Variants in MRPS27 observed in about 807,000 individuals in gnomAD.
The protein encoded by MRPS27 is mitochondrial ribosomal protein S27.
MRPS27 carries 43 observed loss-of-function variants against 48.9 expected under a neutral mutation model. The observed-to-expected ratio is 0.88, with a 90% CI of 0.69 to 1.13. MRPS27 has a LOEUF of 1.13. MRPS27 is among the 50% of genes most tolerant of loss of function. MRPS27 has a pLI of 0.00. For missense variants in MRPS27, 467 were observed against 476.3 expected (o/e 0.98, Z 0.18); for synonymous variants, 188 against 171.9 (o/e 1.09, Z -0.73).
intron 4 of MRPS27, among the ~76,000 whole-genome samples, chr5:72,278,978 A>T (rs1749460152): frequency 6.6e-6 from 1 of 152,212 alleles, no homozygotes; most frequent in East Asian, 1.9e-4. Context: ...TCCTTATACA[A>T]GCCAGAGTTC....
intron 2 of MRPS27, among the ~76,000 whole-genome samples, chr5:72,312,251 A>C (rs1391187952): frequency 6.6e-6 from 1 of 152,236 alleles, no homozygotes; most frequent in Non-Finnish European, 1.5e-5. Flanking sequence ...TCATTAATGG[A>C]ACTAACTCCA....
chr5:72,233,560 CAT>C (rs1365640868), intron 6 of MRPS27, among the ~76,000 whole-genome samples: 3 of 152,042 alleles, frequency 2.0e-5, no homozygotes, highest in Non-Finnish European at 4.4e-5. Context: ...TGGTTTTGCA[CAT>C]GTCATGGTTC....
intron 4 of MRPS27, among the ~76,000 whole-genome samples, chr5:72,255,274 C>T (rs576515838): frequency 6.6e-6 from 1 of 152,192 alleles, no homozygotes; most frequent in South Asian, 2.1e-4. Context: ...TGGTCTCGAA[C>T]TCCTGACCTC....
At chr5:72,271,236 G>A (rs910380273) in intron 4 of MRPS27, among the ~76,000 whole-genome samples, 1 of 152,158 alleles carries the variant, frequency 6.6e-6, no homozygotes. Context: ...TAGGAAACAC[G>A]AAGGAATCTA....
chr5:72,284,591 A>G (rs910313742), intron 4 of MRPS27, among the ~76,000 whole-genome samples: 1 of 152,210 alleles, frequency 6.6e-6, no homozygotes, highest in African/African-American at 2.4e-5. Flanking sequence ...AAGTTACAAG[A>G]GACAATTCAA....
At chr5:72,282,728 C>T (rs1416658831) in intron 4 of MRPS27, among the ~76,000 whole-genome samples, 3 of 152,060 alleles carry the variant, frequency 2.0e-5, no homozygotes, top group Non-Finnish European at 4.4e-5. Context: ...AAGGCAAGTA[C>T]ATATGTATAA....
chr5:72,287,047 C>T (rs1749690324), intron 4 of MRPS27, among the ~76,000 whole-genome samples: 1 of 152,186 alleles, frequency 6.6e-6, no homozygotes, highest in Non-Finnish European at 1.5e-5. Context: ...TGAGCATTAC[C>T]GCCTGAGCTC....
chr5:72,288,324 T>TA (rs1278625554), intron 4 of MRPS27, among the ~76,000 whole-genome samples: 11 of 152,090 alleles, frequency 7.2e-5, no homozygotes, highest in Admixed American at 3.9e-4. Context: ...TCTCCCGCCT[T>TA]AGCCTCCCAT....
intron 4 of MRPS27, among the ~76,000 whole-genome samples, chr5:72,268,747 T>C (rs745864073): frequency 4.6e-5 from 7 of 152,220 alleles, no homozygotes; most frequent in East Asian, 3.8e-4. Context: ...AGGTCTTATA[T>C]GAGGATGATA....
At chr5:72,287,725 A>G (rs1291004103) in intron 4 of MRPS27, among the ~76,000 whole-genome samples, 1 of 152,284 alleles carries the variant, frequency 6.6e-6, no homozygotes, top group African/African-American at 2.4e-5. Context: ...GCAAATAATT[A>G]AAGCCACAAT....
chr5:72,285,510 T>C (rs778399210), intron 4 of MRPS27, among the ~76,000 whole-genome samples: 5 of 152,200 alleles, frequency 3.3e-5, no homozygotes, highest in Non-Finnish European at 5.9e-5. Flanking sequence ...TAATAATCTT[T>C]TTTTGGGAGG....
chr5:72,278,375 G>A (rs1175797464), intron 4 of MRPS27, among the ~76,000 whole-genome samples: 4 of 150,826 alleles, frequency 2.7e-5, no homozygotes, highest in African/African-American at 4.9e-5. Flanking sequence ...CCCAGGAGGC[G>A]GAGATTGCAG....
intron 4 of MRPS27, among the ~76,000 whole-genome samples, chr5:72,249,078 T>G (rs1253924600): frequency 6.6e-6 from 1 of 152,232 alleles, no homozygotes; most frequent in Non-Finnish European, 1.5e-5. Flanking sequence ...CTACAATGAA[T>G]GCAGCCTTTA....
intron 8 of MRPS27, 50 bp downstream of exon 8, chr5:72,228,216 C>A (rs1005746574): frequency 1.9e-5 from 26 of 1,402,500 alleles, no homozygotes; most frequent in Non-Finnish European, 2.4e-5. Flanking sequence ...TGGAAGAATG[C>A]AACAATTCTA....
intron 4 of MRPS27, among the ~76,000 whole-genome samples, chr5:72,280,757 T>A (rs1256192779): frequency 1.3e-5 from 2 of 152,236 alleles, no homozygotes; most frequent in East Asian, 3.8e-4. Flanking sequence ...CTAATCTGTA[T>A]TTTGATTATT....
chr5:72,301,073 G>C (rs564831389), intron 2 of MRPS27, among the ~76,000 whole-genome samples: 3 of 152,186 alleles, frequency 2.0e-5, no homozygotes, highest in African/African-American at 7.2e-5. Flanking sequence ...CAAGTAATAA[G>C]GACACACCAG....
At chr5:72,281,481 C>A (rs938987175) in intron 4 of MRPS27, among the ~76,000 whole-genome samples, 2 of 152,132 alleles carry the variant, frequency 1.3e-5, no homozygotes, top group East Asian at 1.9e-4. Context: ...TAAGTAAGCA[C>A]CCCTGAATAG....
chr5:72,302,791 T>C (rs1021607309), intron 2 of MRPS27, among the ~76,000 whole-genome samples: 1 of 152,168 alleles, frequency 6.6e-6, no homozygotes, highest in East Asian at 1.9e-4. Flanking sequence ...CCAATACTTG[T>C]AAGATGAGAA....
intron 4 of MRPS27, among the ~76,000 whole-genome samples, chr5:72,264,212 A>G (rs1031638272): frequency 1.3e-5 from 2 of 152,192 alleles, no homozygotes; most frequent in African/African-American, 4.8e-5. Context: ...CAAAAAGTAG[A>G]CTAGGTTGCC....
Sources: gnomAD v4.1 joint callset for allele counts (sites outside exome capture counted in the v4.1 genomes callset) on GRCh38, gnomAD v4.1.1 for gene constraint, MANE v1.5 for transcripts, NCBI Gene and HGNC (gene_info 2026-07-23, HGNC 2026-07-21) for gene names.